Variants in TLL2 observed in about 807,000 individuals in gnomAD.
TLL2 encodes the protein tolloid like 2.
Under a neutral mutation model 123.0 loss-of-function variants are expected in TLL2, and 106 were observed. That is an observed-to-expected ratio of 0.86 (90% confidence interval 0.74 to 1.01). The LOEUF (loss-of-function observed/expected upper bound fraction) is 1.01, where lower values mean the gene tolerates loss of function less well. TLL2 is among the 50% of genes least tolerant of loss of function. The probability of loss-of-function intolerance (pLI) is 0.00; values close to 1 mark genes in which losing one functional copy is unlikely to be tolerated. For missense variants in TLL2, 1,332 were observed against 1,336.7 expected (o/e 1.00, Z 0.06); for synonymous variants, 494 against 516.8 (o/e 0.96, Z 0.60).
chr10:96,395,868 C>T lies in TLL2; in HGVS notation c.1530+7G>A. Reference sequence around the variant, plus strand: ...TTCCTTGGGAAGCCGGTCTGAGCAGCACTCACCTCAAAAGCTTGGAAGGTA... The same window carrying T: ...TTCCTTGGGAAGCCGGTCTGAGCAGTACTCACCTCAAAAGCTTGGAAGGTA... On this transcript the variant is annotated splice_region_variant and intron_variant, in intron 12 of 20. Transcript: ENST00000357947. 1 of 1,614,114 alleles carries T rather than the reference C, an allele frequency of 6.2e-7. No individual in the cohort carries two copies. Among genetic ancestry groups the T allele is most frequent in the Non-Finnish European group, 8.5e-7 (1 of 1,180,000 alleles).
intron 1 of TLL2, among the ~76,000 whole-genome samples, chr10:96,512,545 C>T (rs1374828178): frequency 2.0e-5 from 3 of 152,162 alleles, no homozygotes; most frequent in Non-Finnish European, 4.4e-5. Flanking sequence ...CTCTGCCGAC[C>T]GCCAAGTGAA....
chr10:96,367,294 T>C lies in TLL2; in HGVS notation c.*794A>G, dbSNP rs1050081405. 6.6e-6 allele frequency: 1 copy of C among 151,896 alleles called. No individual in the cohort carries two copies. Among genetic ancestry groups the C allele is most frequent in the African/African-American group, 2.4e-5 (1 of 41,202 alleles). The allele number at this position is 151,896 out of a possible 1,614,324, so 9.4% of individuals were successfully genotyped here. ...TGGAATTCCAAGCACAGGTGGAGTCTTCTCAAAGTCAATGAATGAAAAAAA... is the reference window on the plus strand; with the variant it reads ...TGGAATTCCAAGCACAGGTGGAGTCCTCTCAAAGTCAATGAATGAAAAAAA... On this transcript the variant is annotated 3_prime_UTR_variant, in exon 21 of 21. Transcript: ENST00000357947.
At chr10:96,509,059 C>T (rs1400959768) in intron 1 of TLL2, among the ~76,000 whole-genome samples, 2 of 152,078 alleles carry the variant, frequency 1.3e-5, no homozygotes, top group Non-Finnish European at 2.9e-5. Flanking sequence ...CGAGGACACC[C>T]ACATAGAGAG....
intron 16 of TLL2, among the ~76,000 whole-genome samples, chr10:96,382,187 GC>G (rs1210009056): frequency 4.6e-5 from 7 of 152,108 alleles, no homozygotes; most frequent in Non-Finnish European, 1.0e-4. Context: ...GCGCCAGCGC[GC>G]CCAGCTTATT....
At chr10:96,498,100 A>G (rs1238151135) in intron 1 of TLL2, among the ~76,000 whole-genome samples, 5 of 152,214 alleles carry the variant, frequency 3.3e-5, no homozygotes, top group Non-Finnish European at 1.5e-5. Context: ...GGCACATCTC[A>G]TAAGCCCTAA....
intron 16 of TLL2, among the ~76,000 whole-genome samples, chr10:96,380,161 A>T (rs528130030): frequency 4.6e-4 from 70 of 152,310 alleles, no homozygotes; most frequent in African/African-American, 1.5e-3. Context: ...TTAGCTGTAT[A>T]ATTATTATGT....
chr10:96,503,469 G>T (rs915369492), intron 1 of TLL2, among the ~76,000 whole-genome samples: 2 of 152,170 alleles, frequency 1.3e-5, no homozygotes, highest in Admixed American at 6.5e-5. Flanking sequence ...AGGAAATAAG[G>T]GGGGCAGAGG....
At chr10:96,478,632 A>G (rs894479257) in intron 2 of TLL2, among the ~76,000 whole-genome samples, 2 of 152,266 alleles carry the variant, frequency 1.3e-5, no homozygotes. Flanking sequence ...TTCATACAAT[A>G]GAATACTGCA....
At chr10:96,442,265 C>T (rs760368560) in intron 3 of TLL2, among the ~76,000 whole-genome samples, 30 of 152,126 alleles carry the variant, frequency 2.0e-4, no homozygotes, top group Non-Finnish European at 2.6e-4. Flanking sequence ...AACCTGCTGC[C>T]GAAACTGGGC....
chr10:96,494,143 G>A (rs1847446049), intron 1 of TLL2, among the ~76,000 whole-genome samples: 1 of 152,256 alleles, frequency 6.6e-6, no homozygotes, highest in Non-Finnish European at 1.5e-5. Flanking sequence ...AAGGGACAGA[G>A]TGCAGGAGGG....
intron 3 of TLL2, among the ~76,000 whole-genome samples, chr10:96,442,988 C>CA (rs1846863903): frequency 2.0e-5 from 3 of 152,166 alleles, no homozygotes; most frequent in African/African-American, 7.2e-5. Context: ...ATAACTTATC[C>CA]AAAGTCATAG....
At chr10:96,450,116 T>G (rs1846942094) in intron 2 of TLL2, among the ~76,000 whole-genome samples, 1 of 147,552 alleles carries the variant, frequency 6.8e-6, no homozygotes. Context: ...ACAGAACGGA[T>G]GGATGAAGGG....
At chr10:96,486,450 AG>A (rs1847357488) in intron 1 of TLL2, among the ~76,000 whole-genome samples, 1 of 152,224 alleles carries the variant, frequency 6.6e-6, no homozygotes, top group East Asian at 1.9e-4. Context: ...TTCCCTTAAT[AG>A]AAATTCCTAT....
At chr10:96,466,737 T>C (rs1258788537) in intron 2 of TLL2, among the ~76,000 whole-genome samples, 2 of 152,200 alleles carry the variant, frequency 1.3e-5, no homozygotes, top group East Asian at 3.9e-4. Flanking sequence ...AGCAGACTAT[T>C]CTGAAGTTCC....
chr10:96,471,326 G>C (rs1447054084), intron 2 of TLL2, among the ~76,000 whole-genome samples: 1 of 152,126 alleles, frequency 6.6e-6, no homozygotes, highest in East Asian at 1.9e-4. Flanking sequence ...CTTTATGTTG[G>C]AGATTGATTC....
chr10:96,480,216 C>T, intron 2 of TLL2, 133 bp downstream of exon 2: 1 of 717,340 alleles, frequency 1.4e-6, no homozygotes, highest in South Asian at 1.8e-5. Flanking sequence ...AGAAGTGACC[C>T]CTCTGATTTT....
At chr10:96,491,357 G>A (rs1293153835) in intron 1 of TLL2, among the ~76,000 whole-genome samples, 2 of 144,188 alleles carry the variant, frequency 1.4e-5, no homozygotes, top group Non-Finnish European at 3.0e-5. Flanking sequence ...ACTCTAGCCT[G>A]AGCAACAAGA....
intron 6 of TLL2, 21 bp from the exon 7 acceptor site, chr10:96,421,082 A>T: frequency 6.2e-7 from 1 of 1,605,102 alleles, no homozygotes; most frequent in Non-Finnish European, 8.5e-7. Flanking sequence ...ACACTGTGTT[A>T]AGCCCTTTGA....
At chr10:96,468,335 C>A (rs1847149120) in intron 2 of TLL2, among the ~76,000 whole-genome samples, 1 of 152,106 alleles carries the variant, frequency 6.6e-6, no homozygotes, top group Non-Finnish European at 1.5e-5. Flanking sequence ...ACACTGCAGC[C>A]AAGGGATCAT....
Sources: allele counts gnomAD v4.1 joint callset (sites outside exome capture counted in the v4.1 genomes callset), GRCh38; gene constraint gnomAD v4.1.1; transcripts MANE v1.5; gene names NCBI Gene and HGNC (gene_info 2026-07-23, HGNC 2026-07-21).